The following SCAF1 variants were observed in gnomAD, a reference collection of about 807,000 sequenced individuals.
SCAF1 encodes the protein splicing factor, arginine/serine-rich 19.
In SCAF1, 28 loss-of-function variants were observed where a neutral mutation model predicts 91.2. The observed-to-expected ratio is 0.31, with a 90% CI of 0.23 to 0.42. The LOEUF is 0.42. SCAF1 is among the 10% of genes least tolerant of loss of function. The pLI is 1.00. For missense variants in SCAF1, 1,893 were observed against 1,872.1 expected (o/e 1.01, Z -0.21); for synonymous variants, 1,036 against 833.7 (o/e 1.24, Z -4.18).
At position 49,651,676 on chromosome 19, in the gene SCAF1, C is replaced by G. The variant is rs1176440935; in HGVS notation, c.1287C>G (p.Ala429=). ...CGGCCGCCTCGGCCACCCCCACGGC[C>G]CAGCCCCTTCCTCAGCCTCCCGCTC... ...PTPAASATPT[A]QPLPQPPAPR... Residue 429 remains alanine, a synonymous_variant, in exon 7 of 11, where the codon GCC becomes GCG. Coordinates refer to ENST00000360565, the MANE Select transcript of SCAF1 (RefSeq NM_021228.3). 7.1e-7 allele frequency: 1 copy of G among 1,411,024 alleles called. No homozygotes were observed. The highest frequency in any genetic ancestry group is 2.9e-5 in the East Asian group (1 of 34,522). 87.4% of individuals were successfully genotyped at this position (1,411,024 alleles called of 1,614,324 possible). A position where few individuals can be genotyped will look rare whatever the true frequency, so the allele number is the denominator to read the frequency against.
chr19:49,651,439 G>T lies in SCAF1; in HGVS notation c.1050G>T (p.Arg350=), dbSNP rs1364824167. Residue 350 remains arginine (R), a synonymous_variant, in exon 7 of 11, where the codon CGG becomes CGT. Coordinates refer to ENST00000360565, the MANE Select transcript of SCAF1 (RefSeq NM_021228.3). The part of the protein sequence containing the change: ...DSTRADGAMR[R]RVFVVGTEAE... ...CCCGGGCTGATGGAGCCATGCGCCGGCGGGTCTTCGTGGTGGGGACCGAGG... is the reference window on the plus strand; with the variant it reads ...CCCGGGCTGATGGAGCCATGCGCCGTCGGGTCTTCGTGGTGGGGACCGAGG... The T allele has an allele frequency of 1.3e-6, 2 of 1,595,994 alleles. No homozygotes were observed. Among genetic ancestry groups the T allele is most frequent in the East Asian group, 2.3e-5 (1 of 44,242 alleles).
chr19:49,648,194 G>A (rs1288060039), intron 6 of SCAF1, among the ~76,000 whole-genome samples: 2 of 150,478 alleles, frequency 1.3e-5, no homozygotes, highest in Admixed American at 6.6e-5. Flanking sequence ...TGCAACCTCC[G>A]TCTCCCGGGT....
Position 49,650,859 on chromosome 19 carries a change from C to G in SCAF1, c.479-9C>G. ...CCCTGACCGCCTCTCTCTCCCTGTT[C>G]CTTTGCAGTTTCTCCACAGTCGAAC... On this transcript the variant is annotated splice_polypyrimidine_tract_variant and intron_variant, in intron 6 of 10. Coordinates refer to ENST00000360565, the MANE Select transcript of SCAF1 (RefSeq NM_021228.3). 6.2e-7 allele frequency: 1 copy of G among 1,604,900 alleles called. No homozygotes were observed. Among genetic ancestry groups the G allele is most frequent in the Non-Finnish European group, 8.5e-7 (1 of 1,175,134 alleles).
rs757026078 is a variant in SCAF1 at position 49,651,028 on chromosome 19, G to T, written c.639G>T (p.Pro213=). ...CCCCTTCCCCTCCCCCACCCCCACC[G>T]CCCCCTGCACCCCCAGCCCCACCTG... ...SSSPSPPPPP[P]PPAPPAPPAP... The change falls in exon 7 of 11, where the codon CCG becomes CCT. Residue 213 remains proline (P), a synonymous_variant. Coordinates refer to ENST00000360565, the MANE Select transcript of SCAF1 (RefSeq NM_021228.3). 1 of 59,716 alleles carries T rather than the reference G, an allele frequency of 1.7e-5. No individual in the cohort carries two copies. Among genetic ancestry groups the T allele is most frequent in the African/African-American group, 2.0e-4 (1 of 5,078 alleles). The allele number at this position is 59,716 out of a possible 1,614,324, so 3.7% of individuals were successfully genotyped here.
chr19:49,653,828 A>T, intron 7 of SCAF1, 123 bp downstream of exon 7: 2 of 977,458 alleles, frequency 2.0e-6, no homozygotes, highest in Non-Finnish European at 2.8e-6. Context: ...ATAGACTGGG[A>T]GGGTGGGGGT....
chr19:49,657,518 G>A (rs1384693117), intron 9 of SCAF1, among the ~76,000 whole-genome samples: 1 of 152,228 alleles, frequency 6.6e-6, no homozygotes, highest in Admixed American at 6.5e-5. Context: ...GGCCAGGCCT[G>A]GAGCAGCCCA....
Position 49,652,068 on chromosome 19 carries a change from G to T in SCAF1, c.1679G>T (p.Arg560Leu). 8.2e-7 allele frequency: 1 copy of T among 1,213,170 alleles called. No homozygotes were observed. The highest frequency in any genetic ancestry group is 1.0e-6 in the Non-Finnish European group (1 of 962,042). The allele number at this position is 1,213,170 out of a possible 1,614,324, so 75.2% of individuals were successfully genotyped here. ...TCCAAGAAGCACCGCTCGCGGGACC[G>T]CAAGCCCGGCTCCCACGCCTCGTCG... ...WDSKKHRSRD[R>L]KPGSHASSSA... The change falls in exon 7 of 11, where the codon CGC becomes CTC. Residue 560 changes from arginine to leucine, a missense_variant. Physicochemically the swap from Arg to Leu is moderately radical, Grantham distance 102. Transcript: ENST00000360565.
Position 49,652,249 on chromosome 19 carries a change from C to T in SCAF1, c.1860C>T (p.Ser620=). The T allele has an allele frequency of 7.0e-7, 1 of 1,422,570 alleles. No homozygotes were observed. The highest frequency in any genetic ancestry group is 9.2e-7 in the Non-Finnish European group (1 of 1,092,060). The allele number at this position is 1,422,570 out of a possible 1,614,324, so 88.1% of individuals were successfully genotyped here. The change falls in exon 7 of 11, where the codon TCC becomes TCT. Residue 620 remains serine (S), a synonymous_variant. Transcript: ENST00000360565. The part of the protein sequence containing the change: ...RRSASPPPAT[S]SSSSSRRERH... ...CCGCCTCCCCGCCCCCGGCCACTTC[C>T]TCATCGTCGTCCTCGAGGCGCGAGC...
intron 9 of SCAF1, among the ~76,000 whole-genome samples, chr19:49,655,379 T>C (rs1368072635): frequency 1.3e-5 from 2 of 152,146 alleles, no homozygotes; most frequent in Non-Finnish European, 2.9e-5. Context: ...GTTTTTGTTT[T>C]TCTTTGAGAT....
rs1183696662 is a variant in SCAF1 at position 49,650,946 on chromosome 19, C to T, written c.557C>T (p.Pro186Leu). The T allele has an allele frequency of 1.3e-6, 2 of 1,576,744 alleles. No homozygotes were observed. The highest frequency in any genetic ancestry group is 2.7e-5 in the African/African-American group (2 of 73,740). ...GGCACGGGAGACGGGGGCCCTGCCCCACCCCCTGCCCCCTCCTCTGCATCC... is the reference window on the plus strand; with the variant it reads ...GGCACGGGAGACGGGGGCCCTGCCCTACCCCCTGCCCCCTCCTCTGCATCC... ...TLGTGDGGPA[P>L]PPAPSSASSS... Residue 186 changes from proline (P) to leucine (L), a missense_variant, in exon 7 of 11, where the codon CCA (proline) becomes CTA (leucine). Pro to Leu is a moderately conservative substitution (Grantham distance 98, BLOSUM62 -3). Transcript: ENST00000360565.
intron 9 of SCAF1, among the ~76,000 whole-genome samples, chr19:49,656,813 T>G (rs1340150668): frequency 6.6e-6 from 1 of 152,212 alleles, no homozygotes; most frequent in East Asian, 1.9e-4. Context: ...GTCCTCCATG[T>G]GTGTCGCTGT....
Position 49,646,815 on chromosome 19 carries a change from A to G in SCAF1, c.463A>G (p.Arg155Gly). ...CCTGCTGCCCCGTCTCAGGGCCTGG[A>G]GGACGGGCAAAACGGGTATGTGGGG... ...PSLLPRLRAW[R>G]TGKTVSPQSN... The change falls in exon 6 of 11, where the codon AGG (arginine) becomes GGG (glycine). Residue 155 changes from arginine to glycine, a missense_variant. Coordinates refer to ENST00000360565, the MANE Select transcript of SCAF1 (RefSeq NM_021228.3). The surrounding 1 kb of genome is among the most constrained non-coding windows in gnomAD (Gnocchi z 5.6). 2 of 1,612,262 alleles carry G rather than the reference A, an allele frequency of 1.2e-6. No homozygotes were observed. Among genetic ancestry groups the G allele is most frequent in the African/African-American group, 1.3e-5 (1 of 74,990 alleles).
chr19:49,643,558 T>C (rs2081038836), intron 1 of SCAF1, among the ~76,000 whole-genome samples: 1 of 152,244 alleles, frequency 6.6e-6, no homozygotes, highest in Admixed American at 6.5e-5. Context: ...GTTCAGAAGA[T>C]CTCAGTAGCT....
chr19:49,644,903 G>C (rs2081045794), intron 1 of SCAF1, 118 bp from the exon 2 acceptor site: 1 of 692,800 alleles, frequency 1.4e-6, no homozygotes, highest in South Asian at 1.8e-5. Context: ...GAGAGGAGGG[G>C]TGCCAGAGGG....
chr19:49,653,498 G>T lies in SCAF1; in HGVS notation c.3109G>T (p.Glu1037Ter). The change falls in exon 7 of 11, where the codon GAG becomes TAG. Residue 1037 changes from glutamate to a stop codon, truncating the protein, a stop_gained. Transcript: ENST00000360565. LOFTEE classifies it high-confidence loss of function. ...EEEEEEEEEE[E>*]EEQQPATTTA... ...AGAAGAGGAGGAGGAAGAGGAAGAG[G>T]AGGAGGAGCAGCAGCCTGCTACCAC... 6.4e-7 allele frequency: 1 copy of T among 1,565,388 alleles called. No individual in the cohort carries two copies.
intron 6 of SCAF1, among the ~76,000 whole-genome samples, chr19:49,648,312 G>C (rs1257755567): frequency 6.6e-6 from 1 of 151,678 alleles, no homozygotes; most frequent in Non-Finnish European, 1.5e-5. Flanking sequence ...GGGTTTCACT[G>C]TGTTGGCCAG....
At chr19:49,640,583 A>G (rs952316946), upstream of SCAF1, among the ~76,000 whole-genome samples, 2 of 152,170 alleles carry the variant, frequency 1.3e-5, no homozygotes, top group African/African-American at 4.8e-5. Context: ...CCGAGGAAGC[A>G]GCAGGTTTTG....
intron 7 of SCAF1, among the ~76,000 whole-genome samples, chr19:49,653,955 A>G (rs1343985392): frequency 6.6e-6 from 1 of 152,080 alleles, no homozygotes; most frequent in African/African-American, 2.4e-5. Context: ...ATTCCCCTAG[A>G]CGGGGAGTAG....
chr19:49,651,428 G>T lies in SCAF1; in HGVS notation c.1039G>T (p.Ala347Ser). 1.2e-6 allele frequency: 2 copies of T among 1,602,244 alleles called. No homozygotes were observed. The highest frequency in any genetic ancestry group is 8.5e-7 in the Non-Finnish European group (1 of 1,175,254). ...PQVDSTRADG[A>S]MRRRVFVVGT... ...GGTGGACTCCACCCGGGCTGATGGA[G>T]CCATGCGCCGGCGGGTCTTCGTGGT... is the stretch of plus-strand genomic sequence containing the variant. The change falls in exon 7 of 11, where the codon GCC (alanine) becomes TCC (serine). Residue 347 changes from alanine (A) to serine (S), a missense_variant. By Grantham distance (99) the Ala-to-Ser change is moderately conservative. Coordinates refer to ENST00000360565, the MANE Select transcript of SCAF1 (RefSeq NM_021228.3).
Sources: gnomAD v4.1 joint callset for allele counts (sites outside exome capture counted in the v4.1 genomes callset) on GRCh38, gnomAD v4.1.1 for gene constraint, Gnocchi (gnomAD v3.1) non-coding constraint, MANE v1.5 for transcripts, NCBI Gene and HGNC (gene_info 2026-07-23, HGNC 2026-07-21) for gene names.